The following RBMS3 variants were observed in gnomAD, a reference collection of about 807,000 sequenced individuals.
RBMS3 encodes the protein RNA-binding motif, single-stranded-interacting protein 3.
RBMS3 carries 27 observed loss-of-function variants against 66.8 expected under a neutral mutation model. The ratio of observed to expected loss-of-function variants is 0.40; its 90% CI spans 0.30 to 0.56. RBMS3 has a LOEUF of 0.56. Ranked by LOEUF, RBMS3 falls within the 20% of genes least tolerant of loss-of-function variation. The pLI is 0.40. For missense variants in RBMS3, 513 were observed against 549.5 expected (o/e 0.93, Z 0.66); for synonymous variants, 188 against 183.0 (o/e 1.03, Z -0.22).
intron 3 of RBMS3, among the ~76,000 whole-genome samples, chr3:29,538,061 C>T (rs1005941606): frequency 1.3e-5 from 2 of 152,190 alleles, no homozygotes; most frequent in Non-Finnish European, 2.9e-5. Context: ...TATTAACCCA[C>T]TGCTTATGAA....
intron 4 of RBMS3, among the ~76,000 whole-genome samples, chr3:29,728,259 G>A (rs755961932): frequency 1.3e-4 from 20 of 152,148 alleles, no homozygotes; most frequent in Admixed American, 2.0e-4. Flanking sequence ...TAACTCATGC[G>A]AGGCTTAAAA....
chr3:29,559,471 A>C (rs1295148352), intron 3 of RBMS3, among the ~76,000 whole-genome samples: 2 of 125,434 alleles, frequency 1.6e-5, no homozygotes, highest in Non-Finnish European at 3.2e-5. Context: ...AGTTTGTGCC[A>C]CTGCACCCCA....
chr3:29,291,708 C>T (rs966052745), intron 1 of RBMS3, among the ~76,000 whole-genome samples: 1 of 151,640 alleles, frequency 6.6e-6, no homozygotes, highest in Non-Finnish European at 1.5e-5. Context: ...TCCCCAGTTC[C>T]CACGGTTATT....
At chr3:29,689,051 A>G (rs916062134) in intron 4 of RBMS3, among the ~76,000 whole-genome samples, 53 of 152,206 alleles carry the variant, frequency 3.5e-4, no homozygotes, top group African/African-American at 1.2e-3. Context: ...TTAAAAAAAT[A>G]CACATCTATA....
intron 10 of RBMS3, among the ~76,000 whole-genome samples, chr3:29,926,634 G>A (rs1229447747): frequency 6.6e-6 from 1 of 152,140 alleles, no homozygotes; most frequent in Non-Finnish European, 1.5e-5. Context: ...AGTTTTTAAT[G>A]AGAAGTTTTA....
chr3:29,596,390 AC>A (rs1380027328), intron 4 of RBMS3, among the ~76,000 whole-genome samples: 2 of 152,220 alleles, frequency 1.3e-5, no homozygotes, highest in Admixed American at 1.3e-4. Context: ...AAGTCCTTTA[AC>A]TATATCTATT....
intron 3 of RBMS3, among the ~76,000 whole-genome samples, chr3:29,512,344 A>G (rs1201242370): frequency 1.3e-5 from 2 of 152,166 alleles, no homozygotes; most frequent in Admixed American, 6.5e-5. Flanking sequence ...GCAGCATGTG[A>G]TAAGTGCAAT....
intron 1 of RBMS3, 111 bp from the exon 2 acceptor site, chr3:29,434,632 C>A: frequency 7.2e-7 from 1 of 1,384,532 alleles, no homozygotes; most frequent in Non-Finnish European, 9.9e-7. Flanking sequence ...TGTGTATGTA[C>A]GTGTGTGTAT....
At chr3:29,718,323 T>C (rs1232045877) in intron 4 of RBMS3, among the ~76,000 whole-genome samples, 1 of 152,128 alleles carries the variant, frequency 6.6e-6, no homozygotes, top group Non-Finnish European at 1.5e-5. Flanking sequence ...TTTAAAATGA[T>C]ACTGCTTTTT....
At chr3:29,733,883 T>C (rs760174711) in intron 4 of RBMS3, among the ~76,000 whole-genome samples, 4 of 152,158 alleles carry the variant, frequency 2.6e-5, no homozygotes, top group Non-Finnish European at 5.9e-5. Context: ...TTGGGGGTCT[T>C]ACATTTAAGT....
chr3:29,596,393 A>C (rs2047943486), intron 4 of RBMS3, among the ~76,000 whole-genome samples: 2 of 152,212 alleles, frequency 1.3e-5, no homozygotes, highest in Non-Finnish European at 2.9e-5. Flanking sequence ...TCCTTTAACT[A>C]TATCTATTCT....
At chr3:29,670,580 C>G (rs1369217873) in intron 4 of RBMS3, among the ~76,000 whole-genome samples, 1 of 152,210 alleles carries the variant, frequency 6.6e-6, no homozygotes, top group Non-Finnish European at 1.5e-5. Context: ...ATGGTCTTAG[C>G]AAATGGCACA....
chr3:29,405,460 CT>C (rs1553646423), intron 1 of RBMS3, among the ~76,000 whole-genome samples: 4 of 151,018 alleles, frequency 2.6e-5, no homozygotes, highest in Non-Finnish European at 5.9e-5. Flanking sequence ...ATATTCTTGC[CT>C]GTATATTATT....
rs537735763 is a variant in RBMS3, at chr3:29,378,634, G to C, written c.76-56109G>C. 3.8e-3 allele frequency among the ~76,000 whole-genome samples: 577 copies of C among 152,238 alleles called. 2 individuals are homozygous for C. The highest frequency in any genetic ancestry group is 0.014 in the Middle Eastern group (4 of 294). On this transcript the variant is annotated intron_variant, in intron 1 of 14. Transcript: ENST00000383767. ...TTTACCAGCCAGGCAAGTAGTATTA[G>C]CTGTTATAAGTAAAGGTAAACATCC...
intron 3 of RBMS3, among the ~76,000 whole-genome samples, chr3:29,555,661 G>A (rs2046333621): frequency 1.3e-5 from 2 of 152,068 alleles, no homozygotes; most frequent in South Asian, 4.1e-4. Context: ...AAAATCTCAG[G>A]AATTTATTGA....
At chr3:29,404,395 T>C (rs1475474034) in intron 1 of RBMS3, among the ~76,000 whole-genome samples, 1 of 152,130 alleles carries the variant, frequency 6.6e-6, no homozygotes, top group East Asian at 1.9e-4. Context: ...TCTGTTTGTA[T>C]TTTGATGCTA....
chr3:29,964,150 T>C (rs1423173552), intron 12 of RBMS3, among the ~76,000 whole-genome samples: 1 of 152,230 alleles, frequency 6.6e-6, no homozygotes, highest in Non-Finnish European at 1.5e-5. Flanking sequence ...TACTTTGTTG[T>C]CATTTTTGAT....
intron 4 of RBMS3, among the ~76,000 whole-genome samples, chr3:29,710,725 G>A (rs75295168): frequency 0.028 from 4,309 of 152,220 alleles, 87 homozygotes; most frequent in Admixed American, 0.064. Context: ...ATTACACCAC[G>A]TGTTTTTAAA....
At position 30,007,196 on chromosome 3, in the gene RBMS3, G is replaced by A. The variant is rs1690935817; in HGVS notation, c.*3334G>A. ...ATTGTGTGGTAATAAACCAAAATAA[G>A]TTTTCAATATATACAGACAACAGAA... On this transcript the variant is annotated 3_prime_UTR_variant, in exon 15 of 15. Coordinates refer to ENST00000383767, the MANE Select transcript of RBMS3 (RefSeq NM_001003793.3). 1 of 151,982 alleles carries A rather than the reference G, an allele frequency of 6.6e-6. No homozygotes were observed. Among genetic ancestry groups the A allele is most frequent in the African/African-American group, 2.4e-5 (1 of 41,404 alleles). 9.4% of individuals were successfully genotyped at this position (151,982 alleles called of 1,614,324 possible).
Sources: allele counts gnomAD v4.1 joint callset (sites outside exome capture counted in the v4.1 genomes callset), GRCh38; gene constraint gnomAD v4.1.1; transcripts MANE v1.5; gene names NCBI Gene and HGNC (gene_info 2026-07-23, HGNC 2026-07-21).